CPNE4: variants seen among roughly 807,000 people sequenced by gnomAD.
CPNE4 encodes copine 4, also known as copine-4.
In CPNE4, 25 loss-of-function variants were observed where a neutral mutation model predicts 67.9. The ratio of observed to expected loss-of-function variants is 0.37; its 90% CI spans 0.27 to 0.51. The LOEUF is 0.51. Among genes scored for constraint, CPNE4 ranks in the 20% least tolerant of loss-of-function variants. The pLI, the probability that CPNE4 is intolerant of heterozygous loss-of-function variation, is 0.93. For missense variants in CPNE4, 464 were observed against 690.8 expected (o/e 0.67, Z 3.68); for synonymous variants, 242 against 244.9 (o/e 0.99, Z 0.11).
At chr3:131,950,432 T>C (rs1055248822) in intron 1 of CPNE4, among the ~76,000 whole-genome samples, 2 of 152,146 alleles carry the variant, frequency 1.3e-5, no homozygotes, top group Non-Finnish European at 1.5e-5. Context: ...CTTTGAAAAT[T>C]ATGGCACTAA....
At chr3:131,656,910 G>T (rs963579846) in intron 7 of CPNE4, among the ~76,000 whole-genome samples, 1 of 152,066 alleles carries the variant, frequency 6.6e-6, no homozygotes, top group African/African-American at 2.4e-5. Flanking sequence ...GGGACAGGTG[G>T]GAATTTCAGG....
chr3:131,622,303 G>C, intron 7 of CPNE4, among the ~76,000 whole-genome samples: 1 of 152,092 alleles, frequency 6.6e-6, no homozygotes, highest in East Asian at 1.9e-4. Flanking sequence ...ATCCCCTGCT[G>C]TAAACATGGT....
intron 2 of CPNE4, among the ~76,000 whole-genome samples, chr3:131,812,778 T>C (rs1270137685): frequency 1.3e-5 from 2 of 152,148 alleles, no homozygotes; most frequent in African/African-American, 2.4e-5. Context: ...ATGGAAGAGT[T>C]AGTGCTGCAA....
At chr3:131,868,627 T>A (rs1244347817) in intron 2 of CPNE4, among the ~76,000 whole-genome samples, 1 of 152,230 alleles carries the variant, frequency 6.6e-6, no homozygotes, top group Non-Finnish European at 1.5e-5. Context: ...ATTACTTTTA[T>A]TTTACAGATT....
At chr3:131,742,709 TA>T (rs2082387686) in intron 2 of CPNE4, among the ~76,000 whole-genome samples, 1 of 152,142 alleles carries the variant, frequency 6.6e-6, no homozygotes, top group South Asian at 2.1e-4. Context: ...AATAAAGAAT[TA>T]AAAAGTGACC....
intron 2 of CPNE4, among the ~76,000 whole-genome samples, chr3:131,727,107 A>G (rs17294121): frequency 0.095 from 14,515 of 152,226 alleles, 785 homozygotes; most frequent in African/African-American, 0.15. Flanking sequence ...AAATGAGAAA[A>G]CTCAAGGTTA....
At chr3:131,960,985 G>C (rs2072151979) in intron 1 of CPNE4, among the ~76,000 whole-genome samples, 1 of 152,060 alleles carries the variant, frequency 6.6e-6, no homozygotes, top group African/African-American at 2.4e-5. Flanking sequence ...ATACAAGCTT[G>C]GTCCTATAAC....
intron 3 of CPNE4, among the ~76,000 whole-genome samples, chr3:131,706,775 C>T (rs377073862): frequency 2.6e-5 from 4 of 152,188 alleles, no homozygotes; most frequent in African/African-American, 9.7e-5. Context: ...TCACCAACCC[C>T]GTATCTTAAT....
chr3:131,747,583 A>G (rs1264998078), intron 2 of CPNE4, among the ~76,000 whole-genome samples: 1 of 151,982 alleles, frequency 6.6e-6, no homozygotes, highest in Non-Finnish European at 1.5e-5. Flanking sequence ...CGTTTCCCAG[A>G]CTGATCTCAA....
intron 2 of CPNE4, among the ~76,000 whole-genome samples, chr3:131,885,688 T>C (rs6777513): frequency 0.64 from 97,225 of 151,506 alleles, 31,441 homozygotes; most frequent in Admixed American, 0.73. Context: ...CTATCCCTCC[T>C]GCTCCCCCCA....
intron 1 of CPNE4, among the ~76,000 whole-genome samples, chr3:131,989,899 T>C (rs9841159): frequency 0.91 from 122,844 of 134,654 alleles, 58,741 homozygotes; most frequent in African/African-American, 0.98. Flanking sequence ...GGCCCAGAAT[T>C]CTGGACTAAA....
chr3:131,552,703 TTCTAGAA>T (rs1350676699), intron 12 of CPNE4, among the ~76,000 whole-genome samples: 6 of 151,994 alleles, frequency 3.9e-5, no homozygotes, highest in Non-Finnish European at 8.8e-5. Context: ...CAGGAATATT[TTCTAGAA>T]TCAGATAAAT....
chr3:131,663,807 T>G (rs1246802123), intron 7 of CPNE4, among the ~76,000 whole-genome samples: 1 of 152,182 alleles, frequency 6.6e-6, no homozygotes, highest in Non-Finnish European at 1.5e-5. Flanking sequence ...TAGACTTGTA[T>G]TTGGGCCTCC....
chr3:131,594,746 C>T (rs1938740478), intron 7 of CPNE4, among the ~76,000 whole-genome samples: 1 of 152,176 alleles, frequency 6.6e-6, no homozygotes, highest in Non-Finnish European at 1.5e-5. Context: ...AAATAATCAA[C>T]AGAATTAACG....
At chr3:131,675,812 G>A (rs75684017) in intron 6 of CPNE4, among the ~76,000 whole-genome samples, 1,758 of 151,544 alleles carry the variant, frequency 0.012, 32 homozygotes, top group African/African-American at 0.04. Flanking sequence ...TGTTATTATC[G>A]ATAGGTAAGG....
At chr3:131,595,580 G>A (rs974107973) in intron 7 of CPNE4, among the ~76,000 whole-genome samples, 2 of 152,160 alleles carry the variant, frequency 1.3e-5, no homozygotes, top group Non-Finnish European at 2.9e-5. Context: ...CAATCATGGT[G>A]CAAGGTGAAG....
chr3:131,966,516 A>G lies in CPNE4; in HGVS notation c.-1-61072T>C, dbSNP rs149126197. On this transcript the variant is annotated intron_variant, in intron 1 of 15. Coordinates refer to ENST00000429747, the MANE Select transcript of CPNE4 (RefSeq NM_130808.3). ...GAAAAGAGAAAAGAATCAAATAGACACAATAAAAAATGATAAAGGGGATAT... is the reference window on the plus strand; with the variant it reads ...GAAAAGAGAAAAGAATCAAATAGACGCAATAAAAAATGATAAAGGGGATAT... Among the ~76,000 whole-genome samples the G allele has an allele frequency of 3.3e-3, 501 of 152,212 alleles. 4 individuals are homozygous for G. Among genetic ancestry groups the G allele is most frequent in the African/African-American group, 0.011 (467 of 41,542 alleles).
chr3:131,569,349 C>G (rs573328082), intron 10 of CPNE4, among the ~76,000 whole-genome samples: 2 of 151,922 alleles, frequency 1.3e-5, no homozygotes, highest in African/African-American at 4.8e-5. Context: ...AAAAGATTTC[C>G]TGAGACTGGG....
At chr3:132,024,324 T>C (rs2074069260) in intron 1 of CPNE4, among the ~76,000 whole-genome samples, 1 of 152,146 alleles carries the variant, frequency 6.6e-6, no homozygotes, top group Non-Finnish European at 1.5e-5. Context: ...CCTCAAGTGA[T>C]CTGCCCACCT....
Sources: allele counts gnomAD v4.1 joint callset (sites outside exome capture counted in the v4.1 genomes callset), GRCh38; gene constraint gnomAD v4.1.1; transcripts MANE v1.5; gene names NCBI Gene and HGNC (gene_info 2026-07-23, HGNC 2026-07-21).